Variants in HSF2BP observed in about 807,000 individuals in gnomAD.
The protein encoded by HSF2BP is heat shock transcription factor 2 binding protein.
HSF2BP carries 35 observed loss-of-function variants against 35.0 expected under a neutral mutation model. The observed-to-expected ratio is 1.00, with a 90% CI of 0.76 to 1.32. HSF2BP has a LOEUF of 1.32. Among genes scored for constraint, HSF2BP ranks in the 40% most tolerant of loss-of-function variants. The probability of loss-of-function intolerance (pLI) is 0.00; values close to 1 mark genes in which losing one functional copy is unlikely to be tolerated. For missense variants in HSF2BP, 326 were observed against 321.7 expected (o/e 1.01, Z -0.10); for synonymous variants, 114 against 117.4 (o/e 0.97, Z 0.18).
intron 5 of HSF2BP, among the ~76,000 whole-genome samples, chr21:43,632,252 CA>C: frequency 9.4e-6 from 1 of 106,850 alleles, no homozygotes; most frequent in Admixed American, 9.2e-5. Flanking sequence ...CACACACACA[CA>C]CTCCCCCACA....
Position 43,658,301 on chromosome 21 carries a change from C to T in HSF2BP, c.-205G>A, listed in dbSNP as rs1230082926. 2 of 589,372 alleles carry T rather than the reference C, an allele frequency of 3.4e-6. No homozygotes were observed. The highest frequency in any genetic ancestry group is 5.8e-6 in the Non-Finnish European group (2 of 345,800). The allele number at this position is 589,372 out of a possible 1,614,324, so 36.5% of individuals were successfully genotyped here. On this transcript the variant is annotated 5_prime_UTR_variant, in exon 2 of 9. Coordinates refer to ENST00000291560, the MANE Select transcript of HSF2BP (RefSeq NM_007031.2). Reference sequence around the variant, plus strand: ...CCCTCTTTGGCTCTTCTGGCTTAGCCGGGGTTTTAAACTTGTTATCTGCAA... The same window carrying T: ...CCCTCTTTGGCTCTTCTGGCTTAGCTGGGGTTTTAAACTTGTTATCTGCAA...
intron 6 of HSF2BP, among the ~76,000 whole-genome samples, chr21:43,624,509 A>T (rs951232976): frequency 1.3e-5 from 2 of 152,126 alleles, no homozygotes; most frequent in African/African-American, 4.8e-5. Context: ...CACTGCCTCC[A>T]TGTGTTGGTG....
At chr21:43,614,051 C>A in intron 6 of HSF2BP, 104 bp from the exon 7 acceptor site, 1 of 807,418 alleles carries the variant, frequency 1.2e-6, no homozygotes, top group Non-Finnish European at 2.0e-6. Context: ...AATGAAAACA[C>A]AGCTGAAAAT....
intron 7 of HSF2BP, among the ~76,000 whole-genome samples, chr21:43,598,859 T>C (rs189172798): frequency 6.6e-6 from 1 of 152,108 alleles, no homozygotes; most frequent in African/African-American, 2.4e-5. Flanking sequence ...ACACAGAGAG[T>C]TGGAATTCCT....
At chr21:43,598,573 A>G (rs1377017556) in intron 7 of HSF2BP, among the ~76,000 whole-genome samples, 1 of 151,976 alleles carries the variant, frequency 6.6e-6, no homozygotes, top group Admixed American at 6.6e-5. Flanking sequence ...CAGAAAAGAC[A>G]GAGCTATGCA....
chr21:43,640,851 T>A (rs1335975695), intron 4 of HSF2BP, among the ~76,000 whole-genome samples: 1 of 151,736 alleles, frequency 6.6e-6, no homozygotes, highest in East Asian at 1.9e-4. Context: ...ACTATACAAT[T>A]ACAATGCAAA....
At position 43,574,380 on chromosome 21, in the gene HSF2BP, C is replaced by T. The variant is rs142644032; in HGVS notation, c.796+17845G>A. Among the ~76,000 whole-genome samples, 393 of 150,588 alleles carry T rather than the reference C, an allele frequency of 2.6e-3. 2 individuals carry two copies. Among genetic ancestry groups the T allele is most frequent in the South Asian group, 4.2e-3 (20 of 4,784 alleles). ...TCTTTTTCTCTTTTTTTTTTTGAGA[C>T]GGAGTCTCGCTCTGTCGCCCAGGCT... On this transcript the variant is annotated intron_variant, in intron 8 of 8. Transcript: ENST00000291560.
Position 43,633,370 on chromosome 21 carries a change from G to T in HSF2BP, c.343C>A (p.Gln115Lys). ...QLNEAKQQLL[Q>K]QAEYCTEMGA... The stretch of plus-strand genomic sequence containing the variant: ...ATTTCTGTACAATACTCTGCCTGCT[G>T]CAGGAGTTGCTGCTTCGCTTCATTC... Residue 115 changes from glutamine to lysine, a missense_variant, in exon 5 of 9, where the codon CAG (glutamine) becomes AAG (lysine). Transcript: ENST00000291560. 1 of 1,613,712 alleles carries T rather than the reference G, an allele frequency of 6.2e-7. No individual in the cohort carries two copies. Among genetic ancestry groups the T allele is most frequent in the Non-Finnish European group, 8.5e-7 (1 of 1,179,880 alleles).
intron 4 of HSF2BP, among the ~76,000 whole-genome samples, chr21:43,638,820 C>G (rs748911469): frequency 1.3e-5 from 2 of 152,024 alleles, no homozygotes; most frequent in Non-Finnish European, 2.9e-5. Context: ...AAAATTTATG[C>G]GGAAAAGCAA....
At chr21:43,609,662 T>TG (rs1337665859) in intron 7 of HSF2BP, among the ~76,000 whole-genome samples, 1 of 151,460 alleles carries the variant, frequency 6.6e-6, no homozygotes, top group African/African-American at 2.4e-5. Context: ...GACTCAAGGG[T>TG]GGGCGTTAGT....
intron 7 of HSF2BP, among the ~76,000 whole-genome samples, chr21:43,611,292 T>C (rs1349441410): frequency 6.6e-6 from 1 of 152,178 alleles, no homozygotes; most frequent in Admixed American, 6.5e-5. Context: ...ATTATATGTA[T>C]TATGTATGTA....
Position 43,633,423 on chromosome 21 carries a change from T to C in HSF2BP, c.292-2A>G. The C allele has an allele frequency of 6.2e-7, 1 of 1,603,066 alleles. No individual in the cohort carries two copies. Among genetic ancestry groups the C allele is most frequent in the Non-Finnish European group, 8.5e-7 (1 of 1,176,748 alleles). On this transcript the variant is annotated splice_acceptor_variant, in intron 4 of 8. Coordinates refer to ENST00000291560, the MANE Select transcript of HSF2BP (RefSeq NM_007031.2). LOFTEE classifies it high-confidence loss of function. ...CTGCTGTCGAAGAGCCAGTTTCTCCTAAAAGCAAAACAAAATTGAAAAATA... is the reference window on the plus strand; with the variant it reads ...CTGCTGTCGAAGAGCCAGTTTCTCCCAAAAGCAAAACAAAATTGAAAAATA...
intron 8 of HSF2BP, among the ~76,000 whole-genome samples, chr21:43,588,580 C>T (rs1364261852): frequency 1.3e-5 from 2 of 152,128 alleles, no homozygotes; most frequent in South Asian, 4.1e-4. Flanking sequence ...GTTTCTTCAT[C>T]TATGATACAG....
chr21:43,658,269 G>C lies in HSF2BP; in HGVS notation c.-173C>G. On this transcript the variant is annotated 5_prime_UTR_variant, in exon 2 of 9. Coordinates refer to ENST00000291560, the MANE Select transcript of HSF2BP (RefSeq NM_007031.2). ...GCCTAGAGAGCGAGGAGTGGCCTTG[G>C]CGAGGTCCCTCTTTGGCTCTTCTGG... 1.4e-6 allele frequency: 1 copy of C among 717,158 alleles called. No individual in the cohort carries two copies. The highest frequency in any genetic ancestry group is 2.2e-6 in the Non-Finnish European group (1 of 456,076). The allele number at this position is 717,158 out of a possible 1,614,324, so 44.4% of individuals were successfully genotyped here.
intron 8 of HSF2BP, among the ~76,000 whole-genome samples, chr21:43,574,880 T>A (rs970788618): frequency 1.1e-4 from 17 of 152,118 alleles, no homozygotes; most frequent in African/African-American, 3.6e-4. Flanking sequence ...TCTCTCCCGA[T>A]GAAGGGATGG....
intron 6 of HSF2BP, among the ~76,000 whole-genome samples, chr21:43,627,912 G>C (rs1300366800): frequency 2.0e-5 from 3 of 152,050 alleles, no homozygotes; most frequent in African/African-American, 4.8e-5. Context: ...TATTACATCT[G>C]TTATGGTCAT....
chr21:43,606,100 C>T (rs1202298857), intron 7 of HSF2BP, among the ~76,000 whole-genome samples: 1 of 151,406 alleles, frequency 6.6e-6, no homozygotes, highest in Non-Finnish European at 1.5e-5. Context: ...GAAGTAAAGC[C>T]GCCTGCCGGG....
chr21:43,609,948 C>G (rs1327500242), intron 7 of HSF2BP: 1 of 152,328 alleles, frequency 6.6e-6, no homozygotes, highest in Non-Finnish European at 1.5e-5. Context: ...CCCAAAGGCA[C>G]AGAGCTCCAG....
Position 43,597,221 on chromosome 21 carries a change from A to T in HSF2BP, c.693-4893T>A, listed in dbSNP as rs2081998450. Among the ~76,000 whole-genome samples, 2 of 152,208 alleles carry T rather than the reference A, an allele frequency of 1.3e-5. No homozygotes were observed. Among genetic ancestry groups the T allele is most frequent in the Non-Finnish European group, 2.9e-5 (2 of 68,038 alleles). On this transcript the variant is annotated intron_variant, in intron 7 of 8. Transcript: ENST00000291560. The surrounding 1 kb of genome is among the most constrained non-coding windows in gnomAD (Gnocchi z 4.3). ...GCTCTGCTGCAGACCACATCCAGAG[A>T]GCCAGAGCTCAGGTATGAGTCAGGC...
Sources: gnomAD v4.1 joint callset for allele counts (sites outside exome capture counted in the v4.1 genomes callset) on GRCh38, gnomAD v4.1.1 for gene constraint, Gnocchi (gnomAD v3.1) non-coding constraint, MANE v1.5 for transcripts, NCBI Gene and HGNC (gene_info 2026-07-23, HGNC 2026-07-21) for gene names.